The following GABRA1 variants were observed in gnomAD, a reference collection of about 807,000 sequenced individuals.
The protein encoded by GABRA1 is gamma-aminobutyric acid type A receptor subunit alpha1.
Under a neutral mutation model 48.9 loss-of-function variants are expected in GABRA1, and 9 were observed. The ratio of observed to expected loss-of-function variants is 0.18; its 90% confidence interval spans 0.11 to 0.32. GABRA1 has a LOEUF of 0.32. Ranked by LOEUF, GABRA1 falls within the 10% of genes least tolerant of loss-of-function variation. The pLI, the probability that GABRA1 is intolerant of heterozygous loss-of-function variation, is 1.00. For missense variants in GABRA1, 285 were observed against 553.8 expected (o/e 0.51, Z 4.87); for synonymous variants, 210 against 198.7 (o/e 1.06, Z -0.48).
At chr5:161,850,403 G>C in intron 1 of GABRA1, 1 of 414,212 alleles carries the variant, frequency 2.4e-6, no homozygotes, top group South Asian at 8.6e-5. Context: ...AAATTTTAAT[G>C]CACAGTTCAC....
intron 8 of GABRA1, among the ~76,000 whole-genome samples, chr5:161,892,460 C>T (rs1013388425): frequency 4.6e-5 from 7 of 152,198 alleles, no homozygotes; most frequent in African/African-American, 1.4e-4. Context: ...GATTGGCAAA[C>T]ACCAAATCAT....
intron 3 of GABRA1, among the ~76,000 whole-genome samples, chr5:161,860,843 G>A (rs1362626353): frequency 1.3e-5 from 2 of 151,758 alleles, no homozygotes; most frequent in South Asian, 2.1e-4. Flanking sequence ...GTTATAAGGT[G>A]CACAGTATTA....
intron 3 of GABRA1, among the ~76,000 whole-genome samples, chr5:161,857,440 T>C (rs1461728204): frequency 2.0e-5 from 3 of 151,550 alleles, no homozygotes; most frequent in African/African-American, 7.3e-5. Context: ...GATTCAATAA[T>C]TAGAAAACAA....
intron 5 of GABRA1, among the ~76,000 whole-genome samples, chr5:161,874,272 A>T (rs1754248853): frequency 6.6e-6 from 1 of 152,180 alleles, no homozygotes; most frequent in Non-Finnish European, 1.5e-5. Context: ...CATCCAAAAG[A>T]AAAGAAAAGA....
At chr5:161,883,179 T>C (rs1264914768) in intron 7 of GABRA1, among the ~76,000 whole-genome samples, 4 of 152,198 alleles carry the variant, frequency 2.6e-5, no homozygotes, top group Non-Finnish European at 5.9e-5. Flanking sequence ...TTGCTAAATT[T>C]GTAGCAGTGA....
chr5:161,876,195 A>C (rs1754345525), intron 6 of GABRA1, among the ~76,000 whole-genome samples: 1 of 151,872 alleles, frequency 6.6e-6, no homozygotes, highest in Non-Finnish European at 1.5e-5. Flanking sequence ...ATATATATAT[A>C]TATATTAGTG....
In GABRA1 at chr5:161,894,679, G is replaced by A. The variant is rs144993437; in HGVS notation, c.857-987G>A. ...ACTGTTTTTTTAACATTTTTATATG[G>A]TTTAAAGGGAACCTGACAGCATTAT... On this transcript the variant is annotated intron_variant, in intron 8 of 9. Coordinates refer to ENST00000393943, the MANE Select transcript of GABRA1 (RefSeq NM_001127644.2). 3.1e-3 allele frequency among the ~76,000 whole-genome samples: 471 copies of A among 151,376 alleles called. 1 individual carries two copies. Among genetic ancestry groups the A allele is most frequent in the Admixed American group, 5.0e-3 (77 of 15,250 alleles).
chr5:161,866,782 G>A (rs931190708), intron 4 of GABRA1, among the ~76,000 whole-genome samples: 3 of 152,136 alleles, frequency 2.0e-5, no homozygotes, highest in South Asian at 2.1e-4. Context: ...TGAAGTGAAC[G>A]TTGGGAAATT....
rs376130796 is a variant in GABRA1, at chr5:161,899,377, T to G, written c.*1955T>G. 6.6e-6 allele frequency: 1 copy of G among 152,428 alleles called. No individual in the cohort carries two copies. Among genetic ancestry groups the G allele is most frequent in the African/African-American group, 2.4e-5 (1 of 41,412 alleles). 9.4% of individuals were successfully genotyped at this position (152,428 alleles called of 1,614,324 possible). On this transcript the variant is annotated 3_prime_UTR_variant, in exon 10 of 10. Transcript: ENST00000393943. ...CCACCAATATCATGTGTAGATATTA[T>G]GTATAGAAAATAAAATAAATTATGG...
chr5:161,895,775 C>T lies in GABRA1; in HGVS notation c.966C>T (p.Ala322=), dbSNP rs201133616. The change falls in exon 9 of 10, where the codon GCC becomes GCT. Residue 322 remains alanine (A), a synonymous_variant. Coordinates refer to ENST00000393943, the MANE Select transcript of GABRA1 (RefSeq NM_001127644.2). The part of the protein sequence containing the change: ...AMDWFIAVCY[A]FVFSALIEFA... Reference sequence around the variant, plus strand: ...ATTGGTTTATTGCCGTGTGCTATGCCTTTGTGTTCTCAGCTCTGATTGAGT... The same window carrying T: ...ATTGGTTTATTGCCGTGTGCTATGCTTTTGTGTTCTCAGCTCTGATTGAGT... 51 of 1,613,942 alleles carry T rather than the reference C, an allele frequency of 3.2e-5. No homozygotes were observed. The highest frequency in any genetic ancestry group is 4.1e-5 in the Non-Finnish European group (48 of 1,179,950).
chr5:161,870,322 G>A (rs572788939), intron 4 of GABRA1, among the ~76,000 whole-genome samples: 1 of 152,228 alleles, frequency 6.6e-6, no homozygotes, highest in African/African-American at 2.4e-5. Flanking sequence ...AGCACTTTGG[G>A]AGGCCGAGGC....
intron 3 of GABRA1, among the ~76,000 whole-genome samples, chr5:161,858,606 C>G (rs1757739915): frequency 6.6e-6 from 1 of 151,718 alleles, no homozygotes; most frequent in Non-Finnish European, 1.5e-5. Context: ...TACATATGCT[C>G]ATTTCCACAT....
intron 4 of GABRA1, 69 bp from the exon 5 acceptor site, chr5:161,873,048 T>C: frequency 1.6e-6 from 2 of 1,228,148 alleles, no homozygotes; most frequent in Non-Finnish European, 2.4e-6. Flanking sequence ...TTATGCACTG[T>C]CTGCGTTAGA....
chr5:161,875,507 C>T lies in GABRA1; in HGVS notation c.477-53C>T, dbSNP rs956557281. 7.3e-6 allele frequency: 10 copies of T among 1,375,292 alleles called. No individual in the cohort carries two copies. The Admixed American group carries it at 1.0e-4, about 14-fold the overall frequency. 85.2% of individuals were successfully genotyped at this position (1,375,292 alleles called of 1,614,324 possible). ...TTAATAACATTCCACTTGTACTTATCAAGAAGTATCTAATCTATATGGCTC... is the reference window on the plus strand; with the variant it reads ...TTAATAACATTCCACTTGTACTTATTAAGAAGTATCTAATCTATATGGCTC... On this transcript the variant is annotated intron_variant, in intron 5 of 9. Transcript: ENST00000393943.
intron 1 of GABRA1, 95 bp from the exon 2 acceptor site, chr5:161,850,701 C>T: frequency 1.0e-6 from 1 of 994,010 alleles, no homozygotes; most frequent in South Asian, 1.3e-5. Flanking sequence ...TTCCTGACTT[C>T]AAAGCATTCA....
chr5:161,893,157 C>A (rs186792974), intron 8 of GABRA1, among the ~76,000 whole-genome samples: 8 of 151,948 alleles, frequency 5.3e-5, no homozygotes, highest in African/African-American at 1.9e-4. Flanking sequence ...CCCACACCAA[C>A]GAATTCTACT....
intron 3 of GABRA1, among the ~76,000 whole-genome samples, chr5:161,857,124 AG>A (rs991256453): frequency 2.6e-5 from 4 of 151,476 alleles, no homozygotes; most frequent in African/African-American, 9.6e-5. Context: ...TTAGCTTCTA[AG>A]GGAGTAAAAG....
intron 2 of GABRA1, chr5:161,853,577 G>C (rs1214367988): frequency 6.6e-6 from 1 of 151,644 alleles, no homozygotes; most frequent in East Asian, 1.9e-4. Flanking sequence ...TTAATCATTG[G>C]GTCATGAATC....
At chr5:161,873,919 T>C (rs1754232917) in intron 5 of GABRA1, among the ~76,000 whole-genome samples, 1 of 152,196 alleles carries the variant, frequency 6.6e-6, no homozygotes, top group South Asian at 2.1e-4. Flanking sequence ...TTAGCATCTA[T>C]TAAGTGTTGA....
Sources: gnomAD v4.1 joint callset for allele counts (sites outside exome capture counted in the v4.1 genomes callset) on GRCh38, gnomAD v4.1.1 for gene constraint, MANE v1.5 for transcripts, NCBI Gene and HGNC (gene_info 2026-07-23, HGNC 2026-07-21) for gene names.